Variants in YBX3 observed in about 807,000 individuals in gnomAD.
YBX3 encodes Y-box binding protein 3.
YBX3 carries 29 observed loss-of-function variants against 42.4 expected under a neutral mutation model. The ratio of observed to expected loss-of-function variants is 0.68; its 90% CI spans 0.51 to 0.93. The LOEUF (loss-of-function observed/expected upper bound fraction) is 0.93, where lower values mean the gene tolerates loss of function less well. Ranked by LOEUF, YBX3 falls within the 40% of genes least tolerant of loss-of-function variation. The probability of loss-of-function intolerance (pLI) is 0.00; values close to 1 mark genes in which losing one functional copy is unlikely to be tolerated. For synonymous variants in YBX3, 195 were observed against 189.8 expected (o/e 1.03, Z -0.22); for missense variants, 517 against 527.5 (o/e 0.98, Z 0.19).
intron 7 of YBX3, chr12:10,703,423 G>A (rs766620547): frequency 1.1e-4 from 21 of 188,930 alleles, no homozygotes; most frequent in Non-Finnish European, 2.2e-4. Context: ...ATAACCCAGC[G>A]TTCACTAATA....
chr12:10,711,979 A>G (rs1948205927), intron 5 of YBX3: 1 of 152,196 alleles, frequency 6.6e-6, no homozygotes, highest in African/African-American at 2.4e-5. Flanking sequence ...GCTCATTCCT[A>G]GCTATCCCCC....
chr12:10,707,675 G>A (rs1300047679), intron 6 of YBX3, among the ~76,000 whole-genome samples: 1 of 152,056 alleles, frequency 6.6e-6, no homozygotes, highest in African/African-American at 2.4e-5. Flanking sequence ...TCCCTTTACT[G>A]GCTTCTCATC....
chr12:10,718,103 A>C lies in YBX3; in HGVS notation c.345T>G (p.Asp115Glu), dbSNP rs754995531. The part of the protein sequence containing the change: ...GFINRNDTKE[D>E]VFVHQTAIKK... ...TCCCTCTTACCTGATGTACAAATACATCTTCTTTGGTGTCATTTCTGTTGA... is the reference window on the plus strand; with the variant it reads ...TCCCTCTTACCTGATGTACAAATACCTCTTCTTTGGTGTCATTTCTGTTGA... Residue 115 changes from aspartate (D) to glutamate (E), a missense_variant, in exon 3 of 10, where the codon GAT (aspartate) becomes GAG (glutamate). Coordinates refer to ENST00000228251, the MANE Select transcript of YBX3 (RefSeq NM_003651.5). 31 of 1,612,198 alleles carry C rather than the reference A, an allele frequency of 1.9e-5. No individual in the cohort carries two copies. The highest frequency in any genetic ancestry group is 1.1e-4 in the South Asian group (10 of 90,516).
chr12:10,709,923 A>G lies in YBX3; in HGVS notation c.765T>C (p.His255=). The change falls in exon 6 of 10, where the codon CAT becomes CAC. Residue 255 remains histidine, a synonymous_variant. Coordinates refer to ENST00000228251, the MANE Select transcript of YBX3 (RefSeq NM_003651.5). ...TFDRRSRVLP[H]PNRIQAGEIG... ...GCAATTTTACCTGTATTCTGTTGGG[A>G]TGGGGTAAGACCCGTGAGCGACGGT... 6.2e-7 allele frequency: 1 copy of G among 1,614,020 alleles called. No individual in the cohort carries two copies. The highest frequency in any genetic ancestry group is 8.5e-7 in the Non-Finnish European group (1 of 1,180,038).
In YBX3 at chr12:10,722,885, GC is replaced by G; in HGVS notation, c.226del (p.Ala76ProfsTer32). On this transcript the variant is annotated frameshift_variant, in exon 1 of 10. Coordinates refer to ENST00000228251, the MANE Select transcript of YBX3 (RefSeq NM_003651.5). LOFTEE classifies it high-confidence loss of function. ...TTTCTCCGCGTCTTCGCTGCCGGCG[GC>G]GGTGGCTAAAGAGGCGGCGGCCGCG... ...GTAAAASLATAAGSEDAEKKV... is the reference protein window; with the variant it reads ...GTAAAASLATXAGSEDAEKKV... 1 of 1,484,458 alleles carries G rather than the reference GC, an allele frequency of 6.7e-7. No homozygotes were observed. Among genetic ancestry groups the G allele is most frequent in the Non-Finnish European group, 8.9e-7 (1 of 1,117,702 alleles). The allele number at this position is 1,484,458 out of a possible 1,614,324, so 92.0% of individuals were successfully genotyped here. A position where few individuals can be genotyped will look rare whatever the true frequency, so the allele number is the denominator to read the frequency against.
Position 10,710,473 on chromosome 12 carries a change from C to T in YBX3, c.574-359G>A, listed in dbSNP as rs568773352. On this transcript the variant is annotated intron_variant, in intron 5 of 9. Coordinates refer to ENST00000228251, the MANE Select transcript of YBX3 (RefSeq NM_003651.5). Reference sequence around the variant, plus strand: ...CAAATGCGTGTCTCCCAGCATTTACCATCCACTGAGGCAATGTCAGGGAAA... The same window carrying T: ...CAAATGCGTGTCTCCCAGCATTTACTATCCACTGAGGCAATGTCAGGGAAA... The T allele has an allele frequency of 3.3e-6, 4 of 1,204,414 alleles. No individual in the cohort carries two copies. The African/African-American group carries it at 4.8e-5, about 14-fold the overall frequency. The allele number at this position is 1,204,414 out of a possible 1,614,324, so 74.6% of individuals were successfully genotyped here. A position where few individuals can be genotyped will look rare whatever the true frequency, so the allele number is the denominator to read the frequency against.
rs555691531 is a variant in YBX3, at chr12:10,718,137, A to G, written c.327-16T>C. On this transcript the variant is annotated splice_polypyrimidine_tract_variant and intron_variant, in intron 2 of 9. Coordinates refer to ENST00000228251, the MANE Select transcript of YBX3 (RefSeq NM_003651.5). ...GGTGTCATTTCTGTTGAAAGACAAA[A>G]AGCTCACAATTAAAGGTAGTACGTA... 1.9e-6 allele frequency: 3 copies of G among 1,611,942 alleles called. No individual in the cohort carries two copies. The highest frequency in any genetic ancestry group is 4.5e-5 in the East Asian group (2 of 44,840).
chr12:10,723,051 C>T lies in YBX3; in HGVS notation c.61G>A (p.Glu21Lys). The T allele has an allele frequency of 8.3e-7, 1 of 1,207,634 alleles. No individual in the cohort carries two copies. Among genetic ancestry groups the T allele is most frequent in the Non-Finnish European group, 1.0e-6 (1 of 973,962 alleles). 74.8% of individuals were successfully genotyped at this position (1,207,634 alleles called of 1,614,324 possible). A position where few individuals can be genotyped will look rare whatever the true frequency, so the allele number is the denominator to read the frequency against. ...TTTTLPQAPT[E>K]AAAAAPQDPA... ...TCCTGGGGAGCCGCGGCGGCCGCCT[C>T]CGTCGGAGCCTGCGGGAGGGTGGTG... Residue 21 changes from glutamate to lysine, a missense_variant, in exon 1 of 10, where the codon GAG becomes AAG. Around this residue, in one of 3 missense-constraint regions of YBX3, gnomAD observed 86 missense variants for 82.5 expected, o/e 1.04. Coordinates refer to ENST00000228251, the MANE Select transcript of YBX3 (RefSeq NM_003651.5).
At chr12:10,699,907 G>T (rs1948060719) in intron 9 of YBX3, among the ~76,000 whole-genome samples, 2 of 151,958 alleles carry the variant, frequency 1.3e-5, no homozygotes, top group Admixed American at 1.3e-4. Flanking sequence ...TTGTATAAAA[G>T]AAAATTACCA....
At chr12:10,701,640 A>G (rs887670763) in intron 8 of YBX3, among the ~76,000 whole-genome samples, 1 of 152,146 alleles carries the variant, frequency 6.6e-6, no homozygotes, top group Non-Finnish European at 1.5e-5. Flanking sequence ...TACTCTCCAT[A>G]AAGTCTGATA....
chr12:10,703,943 A>T, intron 7 of YBX3, 108 bp downstream of exon 7: 1 of 1,043,902 alleles, frequency 9.6e-7, no homozygotes, highest in Non-Finnish European at 1.4e-6. Flanking sequence ...CAAAGCATTC[A>T]CATCTTCTAG....
At chr12:10,717,974 G>T in intron 3 of YBX3, 114 bp downstream of exon 3, 1 of 858,488 alleles carries the variant, frequency 1.2e-6, no homozygotes, top group Admixed American at 3.1e-5. Flanking sequence ...ATAAATCACA[G>T]AAAGAGTTTA....
intron 4 of YBX3, among the ~76,000 whole-genome samples, chr12:10,715,298 A>C (rs1290188367): frequency 6.6e-6 from 1 of 151,860 alleles, no homozygotes; most frequent in East Asian, 2.0e-4. Context: ...TAATCCCAGT[A>C]CTTTGGGAGG....
intron 3 of YBX3, chr12:10,717,645 T>A (rs1323042316): frequency 6.5e-6 from 1 of 152,710 alleles, no homozygotes; most frequent in Non-Finnish European, 1.5e-5. Flanking sequence ...CATCTTACTA[T>A]CTGCTTCTCT....
At chr12:10,715,407 G>A (rs559396570) in intron 4 of YBX3, among the ~76,000 whole-genome samples, 9 of 152,014 alleles carry the variant, frequency 5.9e-5, no homozygotes, top group African/African-American at 1.9e-4. Flanking sequence ...TTAGCCGGGC[G>A]TGGTGGTGGA....
In YBX3 at chr12:10,723,193, G is replaced by C; in HGVS notation, c.-82C>G. ...GCGCGGCTGGTGGTCGCGGCGGCCG[G>C]GGCTCGCTCTCGGGGAGGCCGGGGC... On this transcript the variant is annotated 5_prime_UTR_variant, in exon 1 of 10. Coordinates refer to ENST00000228251, the MANE Select transcript of YBX3 (RefSeq NM_003651.5). 1 of 1,179,032 alleles carries C rather than the reference G, an allele frequency of 8.5e-7. No homozygotes were observed. Among genetic ancestry groups the C allele is most frequent in the Non-Finnish European group, 1.0e-6 (1 of 954,198 alleles). The allele number at this position is 1,179,032 out of a possible 1,614,324, so 73.0% of individuals were successfully genotyped here. A position where few individuals can be genotyped will look rare whatever the true frequency, so the allele number is the denominator to read the frequency against.
chr12:10,701,822 A>C, intron 8 of YBX3, 138 bp downstream of exon 8: 3 of 943,810 alleles, frequency 3.2e-6, no homozygotes, highest in Non-Finnish European at 4.8e-6. Context: ...GGCATACCCT[A>C]TATATATGGA....
intron 3 of YBX3, chr12:10,717,873 A>T: frequency 2.5e-6 from 1 of 404,674 alleles, no homozygotes; most frequent in Non-Finnish European, 4.4e-6. Flanking sequence ...ATACAACTGC[A>T]AAAATAAAAC....
chr12:10,720,175 A>G (rs549462753), intron 1 of YBX3, among the ~76,000 whole-genome samples: 1 of 152,352 alleles, frequency 6.6e-6, no homozygotes, highest in South Asian at 2.1e-4. Context: ...ATTAACATCA[A>G]TCCATACTGT....
Sources: gnomAD v4.1 joint callset for allele counts (sites outside exome capture counted in the v4.1 genomes callset) on GRCh38, gnomAD v4.1.1 for gene constraint, gnomAD v4.1.1 regional missense constraint, MANE v1.5 for transcripts, NCBI Gene and HGNC (gene_info 2026-07-23, HGNC 2026-07-21) for gene names.